IGF1R: variants seen among roughly 807,000 people sequenced by gnomAD.
IGF1R encodes insulin like growth factor 1 receptor.
A neutral mutation model predicts 144.6 loss-of-function variants in IGF1R; 44 were observed. That is an observed-to-expected ratio of 0.30 (90% CI 0.24 to 0.39). The LOEUF (loss-of-function observed/expected upper bound fraction) is 0.39, where lower values mean the gene tolerates loss of function less well. IGF1R is among the 10% of genes least tolerant of loss of function. The pLI, the probability that IGF1R is intolerant of heterozygous loss-of-function variation, is 1.00. For synonymous variants in IGF1R, 795 were observed against 722.8 expected (o/e 1.10, Z -1.60); for missense variants, 1,355 against 1,833.7 (o/e 0.74, Z 4.77).
At chr15:98,950,484 A>G (rs554490130) in intron 20 of IGF1R, among the ~76,000 whole-genome samples, 29 of 152,318 alleles carry the variant, frequency 1.9e-4, no homozygotes, top group African/African-American at 7.0e-4. Flanking sequence ...CTGCACTTGC[A>G]GGACTGAGGT....
intron 1 of IGF1R, among the ~76,000 whole-genome samples, chr15:98,663,923 T>G (rs1430891300): frequency 6.6e-6 from 1 of 152,244 alleles, no homozygotes; most frequent in Non-Finnish European, 1.5e-5. Context: ...TTTATGTTTG[T>G]AAATTGACTG....
At chr15:98,685,782 G>T (rs1596184680) in intron 1 of IGF1R, among the ~76,000 whole-genome samples, 1 of 152,220 alleles carries the variant, frequency 6.6e-6, no homozygotes, top group Non-Finnish European at 1.5e-5. Flanking sequence ...CCACTCCACC[G>T]CAGGTAGCCT....
At chr15:98,672,880 A>C (rs1249891435) in intron 1 of IGF1R, among the ~76,000 whole-genome samples, 1 of 152,174 alleles carries the variant, frequency 6.6e-6, no homozygotes, top group Non-Finnish European at 1.5e-5. Flanking sequence ...CGTAAGGGTT[A>C]ACAAATGTTT....
intron 5 of IGF1R, among the ~76,000 whole-genome samples, chr15:98,903,231 C>T (rs2014572376): frequency 1.3e-5 from 2 of 152,180 alleles, no homozygotes; most frequent in South Asian, 4.1e-4. Flanking sequence ...TTTGGACAAC[C>T]TTGTTTCCTG....
At chr15:98,697,134 C>T (rs1396444755) in intron 1 of IGF1R, among the ~76,000 whole-genome samples, 1 of 152,142 alleles carries the variant, frequency 6.6e-6, no homozygotes, top group African/African-American at 2.4e-5. Flanking sequence ...CTTGCTGGGA[C>T]AGGCTGGAGC....
intron 1 of IGF1R, among the ~76,000 whole-genome samples, chr15:98,656,722 C>G (rs1156237263): frequency 6.6e-6 from 1 of 151,940 alleles, no homozygotes; most frequent in African/African-American, 2.4e-5. Context: ...CAGTCTTAGC[C>G]CCCTTAATAC....
intron 2 of IGF1R, among the ~76,000 whole-genome samples, chr15:98,832,626 A>G (rs566208989): frequency 5.3e-5 from 8 of 152,286 alleles, no homozygotes; most frequent in African/African-American, 1.4e-4. Flanking sequence ...TCTTGAGTGC[A>G]TGGTTTTTTT....
chr15:98,937,135 C>T (rs1300999206), intron 17 of IGF1R, among the ~76,000 whole-genome samples: 2 of 152,218 alleles, frequency 1.3e-5, no homozygotes, highest in African/African-American at 4.8e-5. Flanking sequence ...ATCCACCCAC[C>T]TCAGCCTCCC....
In IGF1R at chr15:98,756,313, T is replaced by G. The variant is rs186524601; in HGVS notation, c.640+48206T>G. ...AAAACTTCATAGGCATCCCCTGTAG[T>G]CCCATCCCAGAACATTTTAAAACAA... On this transcript the variant is annotated intron_variant, in intron 2 of 20. Coordinates refer to ENST00000650285, the MANE Select transcript of IGF1R (RefSeq NM_000875.5). 1.1e-3 allele frequency among the ~76,000 whole-genome samples: 165 copies of G among 151,832 alleles called. 1 individual carries two copies. The highest frequency in any genetic ancestry group is 3.3e-3 in the African/African-American group (135 of 41,464).
intron 3 of IGF1R, among the ~76,000 whole-genome samples, chr15:98,895,555 C>T (rs1357145363): frequency 2.0e-5 from 3 of 152,092 alleles, no homozygotes; most frequent in Non-Finnish European, 2.9e-5. Context: ...AAGGACTCTC[C>T]CCATCTGTGG....
intron 3 of IGF1R, among the ~76,000 whole-genome samples, chr15:98,894,490 AAAAGGAAC>A (rs1342391591): frequency 6.6e-6 from 1 of 152,244 alleles, no homozygotes; most frequent in Admixed American, 6.5e-5. Flanking sequence ...CTCAGCAATA[AAAAGGAAC>A]AAACCATTGA....
At chr15:98,842,713 T>C (rs921465736) in intron 2 of IGF1R, among the ~76,000 whole-genome samples, 4 of 152,210 alleles carry the variant, frequency 2.6e-5, no homozygotes, top group Middle Eastern at 3.2e-3. Flanking sequence ...AGTGTGCATA[T>C]GTGTGTAATG....
chr15:98,814,896 G>A (rs1457777597), intron 2 of IGF1R, among the ~76,000 whole-genome samples: 2 of 152,152 alleles, frequency 1.3e-5, no homozygotes, highest in African/African-American at 4.8e-5. Context: ...TATATCTGTG[G>A]GGGAAAATCA....
chr15:98,884,063 G>A (rs778845612), intron 2 of IGF1R, among the ~76,000 whole-genome samples: 5 of 152,150 alleles, frequency 3.3e-5, no homozygotes, highest in Admixed American at 6.5e-5. Flanking sequence ...TGAATATACT[G>A]TAATCCCCTC....
Position 98,959,228 on chromosome 15 carries a change from C to A in IGF1R, c.*1786C>A, listed in dbSNP as rs536133709. On this transcript the variant is annotated 3_prime_UTR_variant, in exon 21 of 21. Coordinates refer to ENST00000650285, the MANE Select transcript of IGF1R (RefSeq NM_000875.5). ...ATATTTTTTTAATTCTTGGGTACAA[C>A]AGCAGTGTTAACCGCAGACACTAGG... The A allele has an allele frequency of 8.6e-6, 2 of 233,548 alleles. No individual in the cohort carries two copies. Among genetic ancestry groups the A allele is most frequent in the African/African-American group, 4.4e-5 (2 of 45,440 alleles). The allele number at this position is 233,548 out of a possible 1,614,324, so 14.5% of individuals were successfully genotyped here.
intron 20 of IGF1R, among the ~76,000 whole-genome samples, chr15:98,956,117 A>G (rs2016970636): frequency 6.6e-6 from 1 of 152,206 alleles, no homozygotes; most frequent in Non-Finnish European, 1.5e-5. Context: ...TTCCTGGGTC[A>G]GGGCAGCCGG....
chr15:98,944,902 C>A (rs1410435140), intron 19 of IGF1R, among the ~76,000 whole-genome samples: 1 of 152,228 alleles, frequency 6.6e-6, no homozygotes, highest in Non-Finnish European at 1.5e-5. Flanking sequence ...ACCCATTGGA[C>A]CTTCTCTCTG....
Position 98,964,175 on chromosome 15 carries a change from A to G in IGF1R, c.*6733A>G, listed in dbSNP as rs1463672182. On this transcript the variant is annotated 3_prime_UTR_variant, in exon 21 of 21. Transcript: ENST00000650285. Reference sequence around the variant, plus strand: ...AGGCGGGATGGAATGGATGCACCGCAAATAATGCATTTTCTGAGTTTTCTT... The same window carrying G: ...AGGCGGGATGGAATGGATGCACCGCGAATAATGCATTTTCTGAGTTTTCTT... The G allele has an allele frequency of 4.3e-6, 1 of 233,168 alleles. No homozygotes were observed. The allele number at this position is 233,168 out of a possible 1,614,324, so 14.4% of individuals were successfully genotyped here. A position where few individuals can be genotyped will look rare whatever the true frequency, so the allele number is the denominator to read the frequency against.
intron 1 of IGF1R, among the ~76,000 whole-genome samples, chr15:98,651,570 G>C (rs1345505179): frequency 6.6e-5 from 10 of 152,218 alleles, no homozygotes; most frequent in Admixed American, 2.0e-4. Flanking sequence ...TTAATGTTCT[G>C]AAATTCAAAA....
Sources: allele counts gnomAD v4.1 joint callset (sites outside exome capture counted in the v4.1 genomes callset), GRCh38; gene constraint gnomAD v4.1.1; transcripts MANE v1.5; gene names NCBI Gene and HGNC (gene_info 2026-07-23, HGNC 2026-07-21).